Variants in WRN observed in about 807,000 individuals in gnomAD.
WRN encodes WRN RecQ like helicase.
A neutral mutation model predicts 180.7 loss-of-function variants in WRN; 149 were observed. That is an observed-to-expected ratio of 0.82 (90% CI 0.72 to 0.94). The LOEUF (loss-of-function observed/expected upper bound fraction) is 0.94. WRN is among the 40% of genes least tolerant of loss of function. WRN has a pLI of 0.00. For missense variants in WRN, 1,661 were observed against 1,700.1 expected (o/e 0.98, Z 0.40); for synonymous variants, 548 against 568.9 (o/e 0.96, Z 0.52).
intron 1 of WRN, among the ~76,000 whole-genome samples, chr8:31,034,472 G>T (rs770989717): frequency 1.3e-5 from 2 of 152,130 alleles, no homozygotes; most frequent in Non-Finnish European, 2.9e-5. Context: ...ATTGAAGAGG[G>T]TAATATAATT....
intron 27 of WRN, 151 bp from the exon 28 acceptor site, chr8:31,143,399 A>G (rs1244758456): frequency 5.2e-6 from 3 of 573,896 alleles, no homozygotes; most frequent in Middle Eastern, 4.9e-4. Context: ...TTAGAAACTG[A>G]TAATTTAGGA....
Position 31,163,698 on chromosome 8 carries a change from A to G in WRN, c.3983-3324A>G, listed in dbSNP as rs186460000. Among the ~76,000 whole-genome samples the G allele has an allele frequency of 1.1e-4, 16 of 152,296 alleles. 1 individual carries two copies. Among genetic ancestry groups the G allele is most frequent in the Admixed American group, 1.0e-3 (16 of 15,292 alleles). ...AAATATTAAAATCAAGCAGAATATA[A>G]TAATGAAAAATTCTTAAGATATACT... On this transcript the variant is annotated intron_variant, in intron 33 of 34. Coordinates refer to ENST00000298139, the MANE Select transcript of WRN (RefSeq NM_000553.6).
chr8:31,043,054 G>A (rs1811718215), intron 1 of WRN, among the ~76,000 whole-genome samples: 1 of 152,148 alleles, frequency 6.6e-6, no homozygotes, highest in South Asian at 2.1e-4. Context: ...GTTATTTATT[G>A]GTCTGTTTCA....
chr8:31,084,851 GAC>G (rs1813463405), intron 10 of WRN, among the ~76,000 whole-genome samples: 1 of 152,136 alleles, frequency 6.6e-6, no homozygotes, highest in Non-Finnish European at 1.5e-5. Flanking sequence ...AAGTTTGGGA[GAC>G]ACAGTTTGAT....
intron 29 of WRN, 99 bp downstream of exon 29, chr8:31,147,227 C>G: frequency 6.7e-7 from 1 of 1,495,236 alleles, no homozygotes; most frequent in Admixed American, 1.7e-5. Flanking sequence ...AAAAATTGTT[C>G]TTAAGCTAAG....
chr8:31,147,282 G>A, intron 29 of WRN, 82 bp from the exon 30 acceptor site: 2 of 1,469,230 alleles, frequency 1.4e-6, no homozygotes, highest in South Asian at 1.2e-5. Flanking sequence ...AAGGAAAAAT[G>A]TGGTATCTGA....
intron 16 of WRN, among the ~76,000 whole-genome samples, chr8:31,094,129 G>A (rs1813863959): frequency 6.6e-6 from 1 of 152,110 alleles, no homozygotes; most frequent in South Asian, 2.1e-4. Context: ...GGAATGACTG[G>A]AACATGTGAT....
Position 31,141,744 on chromosome 8 carries a change from G to A in WRN, c.3202G>A (p.Glu1068Lys), listed in dbSNP as rs2130417517. Reference protein sequence around the residue: ...SQSLILQANEELCPKKLLLPS... With the variant: ...SQSLILQANEKLCPKKLLLPS... Reference sequence around the variant, plus strand: ...GAGCCTCATCCTTCAAGCTAATGAAGAATTGTGTCCAAAGAAGTTGCTTCT... The same window carrying A: ...GAGCCTCATCCTTCAAGCTAATGAAAAATTGTGTCCAAAGAAGTTGCTTCT... Residue 1068 changes from glutamate (E) to lysine (K), a missense_variant, in exon 26 of 35, where the codon GAA becomes AAA. Glu to Lys is a moderately conservative substitution (Grantham distance 56). This residue lies in a region of WRN where 1,141 missense variants were observed against 1,149.4 expected (regional missense o/e 0.99). Transcript: ENST00000298139. 1 of 1,614,100 alleles carries A rather than the reference G, an allele frequency of 6.2e-7. No individual in the cohort carries two copies.
intron 18 of WRN, among the ~76,000 whole-genome samples, chr8:31,109,002 T>C (rs113710519): frequency 1.3e-5 from 2 of 152,162 alleles, no homozygotes; most frequent in Non-Finnish European, 2.9e-5. Context: ...AGTAATTGGT[T>C]CTTTGGGATA....
chr8:31,046,974 T>C (rs529061541), intron 1 of WRN, among the ~76,000 whole-genome samples: 1 of 152,314 alleles, frequency 6.6e-6, no homozygotes, highest in South Asian at 2.1e-4. Context: ...GAACTTACTA[T>C]GTAAGATTTG....
intron 18 of WRN, among the ~76,000 whole-genome samples, chr8:31,108,222 C>A (rs1368489105): frequency 6.6e-6 from 1 of 152,150 alleles, no homozygotes; most frequent in Non-Finnish European, 1.5e-5. Context: ...TAATTTATTA[C>A]CCAAAGCAGT....
intron 7 of WRN, among the ~76,000 whole-genome samples, chr8:31,069,080 T>C (rs1812814373): frequency 1.3e-5 from 2 of 152,256 alleles, no homozygotes; most frequent in South Asian, 4.1e-4. Context: ...AGGGACAAAC[T>C]ATTCGAAGCA....
intron 33 of WRN, among the ~76,000 whole-genome samples, chr8:31,163,732 A>C (rs1449851004): frequency 5.9e-5 from 9 of 152,180 alleles, no homozygotes; most frequent in Admixed American, 5.2e-4. Flanking sequence ...CTTACTAAAA[A>C]CTTATCCTTC....
chr8:31,088,398 C>G (rs1447658368), intron 12 of WRN, among the ~76,000 whole-genome samples: 1 of 152,130 alleles, frequency 6.6e-6, no homozygotes, highest in Non-Finnish European at 1.5e-5. Context: ...CTTTTCCTAA[C>G]TAAATGACAT....
intron 3 of WRN, among the ~76,000 whole-genome samples, chr8:31,062,186 T>C (rs887415243): frequency 2.0e-5 from 3 of 152,132 alleles, no homozygotes; most frequent in African/African-American, 7.2e-5. Context: ...GAAACAGTTG[T>C]TTTATATGTT....
intron 23 of WRN, among the ~76,000 whole-genome samples, chr8:31,125,537 GATATAT>G (rs71206299): frequency 0.24 from 15,220 of 63,768 alleles, 2,593 homozygotes; most frequent in South Asian, 0.44. Context: ...ATATTATGGA[GATATAT>G]ATATATATAT....
In WRN at chr8:31,124,992, C is replaced by G; in HGVS notation, c.2817C>G (p.Cys939Trp). 1 of 1,612,776 alleles carries G rather than the reference C, an allele frequency of 6.2e-7. No individual in the cohort carries two copies. The highest frequency in any genetic ancestry group is 8.5e-7 in the Non-Finnish European group (1 of 1,179,148). ...GAACTGAAAAATGCTGTGATAATTG[C>G]AGGTCCAGGTAAAGATTTCTTATTA... Reference protein sequence around the residue: ...IMGTEKCCDNCRSRLDHCYSM... With the variant: ...IMGTEKCCDNWRSRLDHCYSM... The change falls in exon 23 of 35, where the codon TGC (cysteine) becomes TGG (tryptophan). Residue 939 changes from cysteine (C) to tryptophan (W), a missense_variant. Physicochemically the swap from Cys to Trp is radical, Grantham distance 215. Around this residue, in one of 3 missense-constraint regions of WRN, gnomAD observed 1,141 missense variants for 1,149.4 expected, o/e 0.99. Transcript: ENST00000298139.
chr8:31,081,483 C>T (rs1275593839), intron 9 of WRN, among the ~76,000 whole-genome samples, 187 bp downstream of exon 9: 1 of 152,144 alleles, frequency 6.6e-6, no homozygotes, highest in Non-Finnish European at 1.5e-5. Context: ...GCCTGTCTTT[C>T]AATAAAACTT....
chr8:31,129,613 A>C (rs182915055), intron 23 of WRN, among the ~76,000 whole-genome samples: 1 of 152,346 alleles, frequency 6.6e-6, no homozygotes, highest in South Asian at 2.1e-4. Flanking sequence ...CAAAGAAAAA[A>C]TCAAACTGGA....
Sources: allele counts gnomAD v4.1 joint callset (sites outside exome capture counted in the v4.1 genomes callset), GRCh38; gene constraint gnomAD v4.1.1; regional missense constraint gnomAD v4.1.1; transcripts MANE v1.5; gene names NCBI Gene and HGNC (gene_info 2026-07-23, HGNC 2026-07-21).